TENM4: variants seen among roughly 807,000 people sequenced by gnomAD.
TENM4 encodes teneurin-4.
TENM4 carries 82 observed loss-of-function variants against 243.3 expected under a neutral mutation model. That is an observed-to-expected ratio of 0.34 (90% CI 0.28 to 0.40). TENM4 has a LOEUF of 0.40. TENM4 is among the 10% of genes least tolerant of loss of function. The pLI is 1.00. For missense variants in TENM4, 3,138 were observed against 3,673.3 expected (o/e 0.85, Z 3.77); for synonymous variants, 1,412 against 1,456.3 (o/e 0.97, Z 0.69).
chr11:79,152,377 T>C (rs1246652084), intron 3 of TENM4, among the ~76,000 whole-genome samples: 2 of 152,138 alleles, frequency 1.3e-5, no homozygotes, highest in Non-Finnish European at 2.9e-5. Flanking sequence ...AGGTTCATCG[T>C]CTCCAGGTCA....
At chr11:79,065,578 C>T (rs2136989187) in intron 5 of TENM4, among the ~76,000 whole-genome samples, 1 of 152,304 alleles carries the variant, frequency 6.6e-6, no homozygotes, top group South Asian at 2.1e-4. Flanking sequence ...TAAATGTCTC[C>T]CTTGGGGCCA....
At position 78,712,532 on chromosome 11, in the gene TENM4, C is replaced by A. The variant is rs772241911; in HGVS notation, c.4004G>T (p.Arg1335Leu). ...GDQCLPFDDT[R>L]CGDGGKATEA... ...TGTGGCCTTCCCACCATCCCCGCAG[C>A]GAGTGTCATCAAAGGGGAGGCACTG... Residue 1335 changes from arginine to leucine, a missense_variant, in exon 26 of 34, where the codon CGC (arginine) becomes CTC (leucine). Transcript: ENST00000278550. The A allele has an allele frequency of 3.1e-6, 5 of 1,614,000 alleles. No homozygotes were observed. Among genetic ancestry groups the A allele is most frequent in the Non-Finnish European group, 4.2e-6 (5 of 1,179,888 alleles).
At chr11:78,785,025 C>A (rs1856905998) in intron 16 of TENM4, among the ~76,000 whole-genome samples, 1 of 150,826 alleles carries the variant, frequency 6.6e-6, no homozygotes, top group Admixed American at 6.6e-5. Flanking sequence ...TGGGCCCTCT[C>A]TGGGCTCTGG....
intron 5 of TENM4, among the ~76,000 whole-genome samples, chr11:79,066,280 T>C (rs904676535): frequency 9.2e-5 from 14 of 152,064 alleles, no homozygotes; most frequent in African/African-American, 3.4e-4. Flanking sequence ...ATGTGGAGAA[T>C]GACAAGTTAG....
In TENM4 at chr11:79,283,213, A is replaced by ACAC. The variant is rs1555041346; in HGVS notation, c.-265+14274_-265+14275insGTG. ...CAGACAAAGACATCACACACACACA[A>ACAC]ACACACACACACACACACACACACA... On this transcript the variant is annotated intron_variant, in intron 2 of 33. Coordinates refer to ENST00000278550, the MANE Select transcript of TENM4 (RefSeq NM_001098816.3). Among the ~76,000 whole-genome samples the ACAC allele has an allele frequency of 1.3e-4, 18 of 136,036 alleles. 1 individual carries two copies. The highest frequency in any genetic ancestry group is 3.6e-3 in the Middle Eastern group (1 of 274). 89.2% of individuals were successfully genotyped at this position (136,036 alleles called of 152,430 possible). A position where few individuals can be genotyped will look rare whatever the true frequency, so the allele number is the denominator to read the frequency against.
Position 79,416,040 on chromosome 11 carries a change from T to C in TENM4, c.-321+24469A>G, listed in dbSNP as rs12790333. ...TCCACTCAGTATAATTATTTTGAGATTGATCCATGTTGTTGGGCTAATCAA... is the reference window on the plus strand; with the variant it reads ...TCCACTCAGTATAATTATTTTGAGACTGATCCATGTTGTTGGGCTAATCAA... On this transcript the variant is annotated intron_variant, in intron 1 of 33. Transcript: ENST00000278550. 6.6e-3 allele frequency among the ~76,000 whole-genome samples: 1,013 copies of C among 152,364 alleles called. 9 individuals carry two copies. Among genetic ancestry groups the C allele is most frequent in the Non-Finnish European group, 0.01 (713 of 68,038 alleles).
intron 6 of TENM4, among the ~76,000 whole-genome samples, chr11:78,999,479 G>A (rs1018251222): frequency 3.3e-5 from 5 of 152,172 alleles, no homozygotes; most frequent in South Asian, 2.1e-4. Context: ...TCACACCACC[G>A]CACTTCAGCC....
intron 1 of TENM4, among the ~76,000 whole-genome samples, chr11:79,415,313 A>C (rs2135579481): frequency 6.6e-6 from 1 of 152,320 alleles, no homozygotes; most frequent in Admixed American, 6.5e-5. Flanking sequence ...CAAGGAAGTA[A>C]AGTGCATTTT....
At chr11:79,433,022 T>A (rs1859201071) in intron 1 of TENM4, among the ~76,000 whole-genome samples, 1 of 152,190 alleles carries the variant, frequency 6.6e-6, no homozygotes, top group Non-Finnish European at 1.5e-5. Flanking sequence ...ATGCTGCCCC[T>A]CTGCACTTTA....
At chr11:78,673,504 G>T (rs188339514) in intron 30 of TENM4, among the ~76,000 whole-genome samples, 1,563 of 152,226 alleles carry the variant, frequency 0.01, 24 homozygotes, top group African/African-American at 0.035. Flanking sequence ...GGATCCCTGT[G>T]TGGTTAAAAA....
intron 10 of TENM4, among the ~76,000 whole-genome samples, chr11:78,857,317 T>C (rs1858704172): frequency 6.6e-6 from 1 of 152,200 alleles, no homozygotes; most frequent in Admixed American, 6.5e-5. Flanking sequence ...AAGAATTCAT[T>C]TGTAAAGAAA....
chr11:78,742,116 G>A (rs188216706), intron 19 of TENM4, among the ~76,000 whole-genome samples: 88 of 152,128 alleles, frequency 5.8e-4, no homozygotes, highest in African/African-American at 2.0e-3. Flanking sequence ...TTTGATGGTC[G>A]TATGTTTATA....
At chr11:79,431,936 T>G (rs1055500170) in intron 1 of TENM4, among the ~76,000 whole-genome samples, 2 of 152,204 alleles carry the variant, frequency 1.3e-5, no homozygotes, top group African/African-American at 4.8e-5. Context: ...AATCCCAACC[T>G]TAATCGAATG....
rs187470594 is a variant in TENM4, at chr11:79,030,806, G to A, written c.493+33932C>T. Among the ~76,000 whole-genome samples, 633 of 152,254 alleles carry A rather than the reference G, an allele frequency of 4.2e-3. 1 individual carries two copies. The highest frequency in any genetic ancestry group is 0.014 in the African/African-American group (592 of 41,544). Reference sequence around the variant, plus strand: ...ATTCTCCTACCAGGAGGAAGCCAGGGTGACAGATTTCTGACCAAGATCCAG... The same window carrying A: ...ATTCTCCTACCAGGAGGAAGCCAGGATGACAGATTTCTGACCAAGATCCAG... On this transcript the variant is annotated intron_variant, in intron 6 of 33. Coordinates refer to ENST00000278550, the MANE Select transcript of TENM4 (RefSeq NM_001098816.3).
At chr11:79,398,881 G>A (rs1313605063) in intron 1 of TENM4, among the ~76,000 whole-genome samples, 2 of 151,694 alleles carry the variant, frequency 1.3e-5, no homozygotes, top group Admixed American at 6.6e-5. Context: ...GCCTGCCCTC[G>A]AGGGGACACT....
At chr11:78,920,518 A>T (rs987340327) in intron 6 of TENM4, among the ~76,000 whole-genome samples, 1 of 152,300 alleles carries the variant, frequency 6.6e-6, no homozygotes, top group Non-Finnish European at 1.5e-5. Context: ...CACAGCCTGC[A>T]GCTTTGTTCA....
At chr11:79,257,817 C>A (rs146124778) in intron 2 of TENM4, among the ~76,000 whole-genome samples, 266 of 152,274 alleles carry the variant, frequency 1.7e-3, no homozygotes, top group Middle Eastern at 0.01. Flanking sequence ...CAAAGAGCAT[C>A]CTGACTCCAC....
intron 2 of TENM4, among the ~76,000 whole-genome samples, chr11:79,284,432 G>A (rs1001821102): frequency 2.6e-5 from 4 of 152,152 alleles, no homozygotes; most frequent in Non-Finnish European, 5.9e-5. Context: ...TTTTTGACAA[G>A]AGTACCAAGA....
At chr11:79,174,952 A>G (rs1230373511) in intron 3 of TENM4, among the ~76,000 whole-genome samples, 1 of 152,172 alleles carries the variant, frequency 6.6e-6, no homozygotes, top group South Asian at 2.1e-4. Flanking sequence ...CCCATATGAC[A>G]ATGCCACTGT....
Sources: allele counts gnomAD v4.1 joint callset (sites outside exome capture counted in the v4.1 genomes callset), GRCh38; gene constraint gnomAD v4.1.1; transcripts MANE v1.5; gene names NCBI Gene and HGNC (gene_info 2026-07-23, HGNC 2026-07-21).